Variants in IQCE observed in about 807,000 individuals in gnomAD.
The protein encoded by IQCE is IQ motif containing E, also known as IQ domain-containing protein E.
In IQCE, 115 loss-of-function variants were observed where a neutral mutation model predicts 96.0. That is an observed-to-expected ratio of 1.20 (90% CI 1.03 to 1.40). The LOEUF (loss-of-function observed/expected upper bound fraction) is 1.40. IQCE is among the 40% of genes most tolerant of loss of function. The pLI is 0.00. For missense variants in IQCE, 1,041 were observed against 909.1 expected, an observed-to-expected ratio of 1.15 and a Z score of -1.87; for synonymous variants, 412 against 371.2, an observed-to-expected ratio of 1.11 and a Z score of -1.26.
intron 21 of IQCE, among the ~76,000 whole-genome samples, chr7:2,609,354 C>G (rs1386369459): frequency 4.0e-5 from 6 of 150,626 alleles, no homozygotes; most frequent in African/African-American, 1.5e-4. Flanking sequence ...CTGTGTTGCC[C>G]AGGCTGGTCT....
At chr7:2,599,085 T>TCC (rs1301963565) in intron 17 of IQCE, among the ~76,000 whole-genome samples, 1 of 152,222 alleles carries the variant, frequency 6.6e-6, no homozygotes, top group Non-Finnish European at 1.5e-5. Flanking sequence ...ACGGCGGTTC[T>TCC]CAGTCCACAT....
chr7:2,574,325 A>C (rs1012972885), intron 6 of IQCE, among the ~76,000 whole-genome samples: 2 of 152,248 alleles, frequency 1.3e-5, no homozygotes, highest in Admixed American at 6.5e-5. Flanking sequence ...GAGGATCTGG[A>C]AGCCGTTTCC....
At chr7:2,578,052 CGTGTGCGTGGCT>C (rs1320434339) in intron 6 of IQCE, among the ~76,000 whole-genome samples, 178 bp from the exon 7 acceptor site, 9 of 145,326 alleles carry the variant, frequency 6.2e-5, no homozygotes, top group Non-Finnish European at 1.2e-4. Context: ...TGCGCATTGG[CGTGTGCGTGGCT>C]GTGTGCGCGG....
At chr7:2,597,732 A>G (rs1784152984) in intron 16 of IQCE, among the ~76,000 whole-genome samples, 1 of 152,216 alleles carries the variant, frequency 6.6e-6, no homozygotes, top group African/African-American at 2.4e-5. Context: ...CAGCGGCACA[A>G]TCATGGCTCA....
chr7:2,594,762 GCT>G (rs1783889097), intron 15 of IQCE, 122 bp from the exon 16 acceptor site: 2 of 727,224 alleles, frequency 2.8e-6, no homozygotes, highest in African/African-American at 3.5e-5. Context: ...GGCCCCACCA[GCT>G]CTCTACAGGC....
At chr7:2,594,397 G>C (rs1783856003) in intron 15 of IQCE, among the ~76,000 whole-genome samples, 1 of 152,190 alleles carries the variant, frequency 6.6e-6, no homozygotes, top group Non-Finnish European at 1.5e-5. Flanking sequence ...TTAGTACCTG[G>C]AATGAATATC....
chr7:2,584,444 C>T (rs1447737011), intron 11 of IQCE, 159 bp downstream of exon 11: 13 of 745,470 alleles, frequency 1.7e-5, no homozygotes, highest in Admixed American at 3.8e-5. Flanking sequence ...AGAGTTGACA[C>T]GTTTCCATTT....
At chr7:2,574,906 C>T (rs1327228080) in intron 6 of IQCE, among the ~76,000 whole-genome samples, 2 of 152,170 alleles carry the variant, frequency 1.3e-5, no homozygotes, top group African/African-American at 4.8e-5. Flanking sequence ...TGTCTCGGTT[C>T]AGTTCTGAAA....
chr7:2,605,953 C>G lies in IQCE; in HGVS notation c.1821C>G (p.Ile607Met). Residue 607 changes from isoleucine to methionine, a missense_variant, in exon 20 of 22, where the codon ATC becomes ATG. Coordinates refer to ENST00000402050, the MANE Select transcript of IQCE (RefSeq NM_152558.5). ...GSPVQEEAIV[I>M]IQSALRAHLA... ...CTGTGCAGGAGGAGGCCATCGTCAT[C>G]ATCCAGTCCGCTCTGCGGGCACACC... 3 of 1,611,312 alleles carry G rather than the reference C, an allele frequency of 1.9e-6. No homozygotes were observed. The highest frequency in any genetic ancestry group is 2.5e-6 in the Non-Finnish European group (3 of 1,179,266).
rs146080610 is a variant in IQCE, at chr7:2,593,144, G to A, written c.1349+18G>A. The A allele has an allele frequency of 9.8e-4, 1,563 of 1,602,466 alleles. 14 individuals are homozygous for A. The Admixed American group carries it at 0.021, about 21-fold the overall frequency. On this transcript the variant is annotated intron_variant, in intron 15 of 21. Coordinates refer to ENST00000402050, the MANE Select transcript of IQCE (RefSeq NM_152558.5). ...GTTTTGAGGTATGTGACCCGGGTCAGGGCTGGAGAGGACCCAGGCGAGTCC... is the reference window on the plus strand; with the variant it reads ...GTTTTGAGGTATGTGACCCGGGTCAAGGCTGGAGAGGACCCAGGCGAGTCC...
At chr7:2,597,633 A>G (rs763783458) in intron 16 of IQCE, among the ~76,000 whole-genome samples, 1 of 152,164 alleles carries the variant, frequency 6.6e-6, no homozygotes, top group Non-Finnish European at 1.5e-5. Flanking sequence ...CCTATGGATG[A>G]TACATTTGGA....
rs747849218 is a variant in IQCE at position 2,593,057 on chromosome 7, A to G, written c.1280A>G (p.Asp427Gly). ...AAGCAGCTCCTGCAGGCGAAGGCCG[A>G]CCTGGAGAAGGAGCTGGAGTGCGCG... The part of the protein sequence containing the change: ...EVKQLLQAKA[D>G]LEKELECARE... Residue 427 changes from aspartate (D) to glycine (G), a missense_variant, in exon 15 of 22, where the codon GAC (aspartate) becomes GGC (glycine). Asp to Gly is a moderately conservative substitution (Grantham distance 94). Coordinates refer to ENST00000402050, the MANE Select transcript of IQCE (RefSeq NM_152558.5). The G allele has an allele frequency of 1.2e-6, 2 of 1,611,422 alleles. No homozygotes were observed. The highest frequency in any genetic ancestry group is 1.3e-5 in the African/African-American group (1 of 75,020).
intron 1 of IQCE, among the ~76,000 whole-genome samples, chr7:2,562,303 A>T (rs955706658): frequency 1.2e-4 from 14 of 118,528 alleles, no homozygotes; most frequent in African/African-American, 5.5e-4. Flanking sequence ...TATATATATA[A>T]AATCCTTTTC....
intron 18 of IQCE, among the ~76,000 whole-genome samples, 166 bp from the exon 19 acceptor site, chr7:2,604,715 G>T (rs781751797): frequency 2.0e-5 from 3 of 152,170 alleles, no homozygotes; most frequent in Non-Finnish European, 2.9e-5. Flanking sequence ...CCAGACTGGG[G>T]TGAGTGGGAG....
In IQCE at chr7:2,570,418, CAACTT is replaced by C. The variant is rs1230698409; in HGVS notation, c.131-1105_131-1101del. Among the ~76,000 whole-genome samples the C allele has an allele frequency of 2.6e-4, 40 of 151,628 alleles. 1 individual carries two copies. Among genetic ancestry groups the C allele is most frequent in the Admixed American group, 2.6e-3 (40 of 15,196 alleles). ...CTCACTCATTTACTTGTATAAATGA[CAACTT>C]AAATCTTTACGTTTTGGAAGAATTT... is the stretch of plus-strand genomic sequence containing the variant. On this transcript the variant is annotated intron_variant, in intron 3 of 21. Transcript: ENST00000402050.
At position 2,613,606 on chromosome 7, in the gene IQCE, C is replaced by G. The variant is rs1031765609; in HGVS notation, c.*3444C>G. 1 of 152,348 alleles carries G rather than the reference C, an allele frequency of 6.6e-6. No individual in the cohort carries two copies. The highest frequency in any genetic ancestry group is 2.4e-5 in the African/African-American group (1 of 41,452). 9.4% of individuals were successfully genotyped at this position (152,348 alleles called of 1,614,324 possible). On this transcript the variant is annotated 3_prime_UTR_variant, in exon 22 of 22. Transcript: ENST00000402050. ...TTGGTTCACATCACCCACCAGACAG[C>G]TGCGGAGAGAGTGCAGGGAGGGGCT...
intron 12 of IQCE, among the ~76,000 whole-genome samples, chr7:2,587,431 G>C (rs1228823909): frequency 6.6e-6 from 1 of 152,054 alleles, no homozygotes; most frequent in African/African-American, 2.4e-5. Context: ...GGCAGCCAGC[G>C]AGGCAGAGGG....
At chr7:2,588,444 C>T (rs1654809444) in intron 13 of IQCE, among the ~76,000 whole-genome samples, 1 of 150,900 alleles carries the variant, frequency 6.6e-6, no homozygotes. Flanking sequence ...ACCTCCGCCT[C>T]CCGAGTTCAA....
intron 17 of IQCE, among the ~76,000 whole-genome samples, chr7:2,599,522 G>A (rs1784291665): frequency 6.6e-6 from 1 of 151,004 alleles, no homozygotes; most frequent in African/African-American, 2.4e-5. Flanking sequence ...ATAGAGACAG[G>A]GTCTCACTCC....
Sources: gnomAD v4.1 joint callset for allele counts (sites outside exome capture counted in the v4.1 genomes callset) on GRCh38, gnomAD v4.1.1 for gene constraint, MANE v1.5 for transcripts, NCBI Gene and HGNC (gene_info 2026-07-23, HGNC 2026-07-21) for gene names.